Variants in DNAH3 observed in about 807,000 individuals in gnomAD.
DNAH3 encodes the protein axonemal beta dynein heavy chain 3.
A neutral mutation model predicts 432.5 loss-of-function variants in DNAH3; 332 were observed. The ratio of observed to expected loss-of-function variants is 0.77; its 90% CI spans 0.70 to 0.84. DNAH3 has a LOEUF of 0.84. Among genes scored for constraint, DNAH3 ranks in the 40% least tolerant of loss-of-function variants. DNAH3 has a pLI of 0.00. For missense variants in DNAH3, 4,861 were observed against 5,114.0 expected, an observed-to-expected ratio of 0.95 and a Z score of 1.51; for synonymous variants, 1,956 against 1,900.2, an observed-to-expected ratio of 1.03 and a Z score of -0.76.
Position 20,964,120 on chromosome 16 carries a change from TC to T in DNAH3, c.9763del (p.Glu3255ArgfsTer28), listed in dbSNP as rs769209674. 9 of 1,614,212 alleles carry T rather than the reference TC, an allele frequency of 5.6e-6. No individual in the cohort carries two copies. Among genetic ancestry groups the T allele is most frequent in the Non-Finnish European group, 7.6e-6 (9 of 1,180,040 alleles). Reference sequence around the variant, plus strand: ...CAGAACTTTGATGGCGGTTTCATCCTCCAGGATGTTACCCTTGGACATGGAG... The same window carrying T: ...CAGAACTTTGATGGCGGTTTCATCCTCAGGATGTTACCCTTGGACATGGAG... On this transcript the variant is annotated frameshift_variant, in exon 53 of 62. Transcript: ENST00000261383. LOFTEE classifies it high-confidence loss of function.
intron 20 of DNAH3, 48 bp downstream of exon 20, chr16:21,081,588 C>A (rs746757352): frequency 1.3e-6 from 2 of 1,495,940 alleles, no homozygotes; most frequent in African/African-American, 2.8e-5. Flanking sequence ...TGGGAACTTA[C>A]AGATCCTTTG....
chr16:20,963,215 G>A (rs2084901758), intron 53 of DNAH3, 69 bp downstream of exon 53: 3 of 1,446,480 alleles, frequency 2.1e-6, no homozygotes, highest in Non-Finnish European at 2.8e-6. Flanking sequence ...TGCTGTAAGG[G>A]ACGGGCTACT....
intron 32 of DNAH3, among the ~76,000 whole-genome samples, chr16:21,040,358 ATTTTTTTTTTTTT>A (rs55797285): frequency 1.5e-4 from 12 of 79,712 alleles, no homozygotes; most frequent in South Asian, 5.3e-4. Context: ...AGCCAGACAG[ATTTTTTTTTTTTT>A]TTTTTTTTTT....
chr16:20,979,607 G>T, intron 49 of DNAH3, 61 bp from the exon 50 acceptor site: 1 of 1,467,980 alleles, frequency 6.8e-7, no homozygotes, highest in Non-Finnish European at 9.5e-7. Flanking sequence ...ATCCAGTACA[G>T]CTTTAGTTAT....
intron 20 of DNAH3, among the ~76,000 whole-genome samples, chr16:21,078,899 A>C (rs2091073535): frequency 1.3e-5 from 2 of 152,214 alleles, no homozygotes; most frequent in African/African-American, 4.8e-5. Flanking sequence ...CTGAGTCCCC[A>C]GACATGGAAT....
chr16:20,940,018 T>C (rs796138316), intron 59 of DNAH3, among the ~76,000 whole-genome samples: 12 of 152,336 alleles, frequency 7.9e-5, no homozygotes, highest in African/African-American at 2.9e-4. Context: ...CCTTGCCCCA[T>C]GGCCAGCCTA....
intron 56 of DNAH3, among the ~76,000 whole-genome samples, chr16:20,950,901 C>T (rs894363876): frequency 1.3e-5 from 2 of 152,118 alleles, no homozygotes; most frequent in African/African-American, 4.8e-5. Context: ...TAGCTCACTA[C>T]AGCCTTGACA....
chr16:20,963,625 C>A (rs1166725330), exon 53 of DNAH3: 1 of 1,613,898 alleles, frequency 6.2e-7, no homozygotes, highest in Non-Finnish European at 8.5e-7. Context: ...AATCTCTGCC[C>A]ATGCCTTCTC....
chr16:21,130,606 C>G (rs1262373783), intron 7 of DNAH3, among the ~76,000 whole-genome samples: 2 of 152,072 alleles, frequency 1.3e-5, no homozygotes, highest in Non-Finnish European at 2.9e-5. Flanking sequence ...CGCCCAGGCT[C>G]TCATTGCTGA....
chr16:21,127,562 A>C, intron 8 of DNAH3, 125 bp downstream of exon 9: 1 of 1,026,366 alleles, frequency 9.7e-7, no homozygotes, highest in Non-Finnish European at 1.4e-6. Flanking sequence ...CTCTGTCTCA[A>C]AAAAAAAAAA....
chr16:21,107,642 A>C (rs753191401), intron 14 of DNAH3, among the ~76,000 whole-genome samples: 2 of 152,180 alleles, frequency 1.3e-5, no homozygotes, highest in Non-Finnish European at 2.9e-5. Context: ...TACCAGGTCT[A>C]ACTGGCCACT....
intron 57 of DNAH3, among the ~76,000 whole-genome samples, chr16:20,947,771 T>C (rs567598513): frequency 1.3e-5 from 2 of 151,750 alleles, no homozygotes; most frequent in Admixed American, 6.6e-5. Flanking sequence ...AAGTAAGTGG[T>C]TTTTTTTGTT....
intron 50 of DNAH3, 117 bp downstream of exon 50, chr16:20,979,213 G>GT: frequency 1.2e-6 from 1 of 852,934 alleles, no homozygotes; most frequent in Non-Finnish European, 1.9e-6. Context: ...CTCTGCAAAT[G>GT]CAGGGTCACA....
chr16:20,952,253 A>AT (rs1237784563), intron 56 of DNAH3, among the ~76,000 whole-genome samples, 180 bp downstream of exon 56: 2 of 152,008 alleles, frequency 1.3e-5, no homozygotes, highest in Non-Finnish European at 2.9e-5. Context: ...TTCTATCTTA[A>AT]TTTTTTTTGT....
At chr16:20,975,704 T>C (rs935382272) in intron 50 of DNAH3, among the ~76,000 whole-genome samples, 1 of 152,170 alleles carries the variant, frequency 6.6e-6, no homozygotes, top group Non-Finnish European at 1.5e-5. Context: ...ACTGAGTCTA[T>C]ATTGTAGTGT....
chr16:21,047,935 G>T (rs554061277), intron 31 of DNAH3, among the ~76,000 whole-genome samples: 1 of 151,762 alleles, frequency 6.6e-6, no homozygotes, highest in African/African-American at 2.4e-5. Flanking sequence ...GTACCCTGCC[G>T]TGTGAGGTGT....
intron 3 of DNAH3, 132 bp downstream of exon 4, chr16:21,145,049 T>C: frequency 5.4e-6 from 4 of 741,104 alleles, no homozygotes; most frequent in East Asian, 2.7e-5. Context: ...GAGGCGGAGG[T>C]TGCAATGAGC....
chr16:20,948,456 A>T (rs1394177389), intron 57 of DNAH3, 27 bp downstream of exon 57: 2 of 1,607,304 alleles, frequency 1.2e-6, no homozygotes, highest in Admixed American at 1.7e-5. Context: ...TGGGGGAAAG[A>T]GGTAGGCCTC....
chr16:20,978,842 G>C (rs985098034), intron 50 of DNAH3, among the ~76,000 whole-genome samples: 1 of 152,024 alleles, frequency 6.6e-6, no homozygotes, highest in African/African-American at 2.4e-5. Context: ...ACTGCACTGG[G>C]CCTTCACCTT....
Sources: gnomAD v4.1 joint callset for allele counts (sites outside exome capture counted in the v4.1 genomes callset) on GRCh38, gnomAD v4.1.1 for gene constraint, MANE v1.5 for transcripts, NCBI Gene and HGNC (gene_info 2026-07-23, HGNC 2026-07-21) for gene names.